Variants in SPINK5 observed in about 807,000 individuals in gnomAD.
SPINK5 encodes serine peptidase inhibitor Kazal type 5, also known as serine protease inhibitor Kazal-type 5.
Under a neutral mutation model 151.8 loss-of-function variants are expected in SPINK5, and 125 were observed. The ratio of observed to expected loss-of-function variants is 0.82; its 90% CI spans 0.71 to 0.96. The LOEUF is 0.96. SPINK5 is among the 40% of genes least tolerant of loss of function. The pLI, the probability that SPINK5 is intolerant of heterozygous loss-of-function variation, is 0.00. For missense variants in SPINK5, 1,194 were observed against 1,291.9 expected (o/e 0.92, Z 1.16); for synonymous variants, 374 against 395.3 (o/e 0.95, Z 0.64).
Position 148,123,517 on chromosome 5 carries a change from ATGTG to A in SPINK5, c.2539-314_2539-311del, listed in dbSNP as rs1196649523. 0.25 allele frequency among the ~76,000 whole-genome samples: 4,371 copies of A among 17,184 alleles called. 242 individuals are homozygous for A. Among genetic ancestry groups the A allele is most frequent in the South Asian group, 0.38 (140 of 370 alleles). 11.3% of individuals were successfully genotyped at this position (17,184 alleles called of 152,430 possible). ...AGCCTGGAGTGCAGTGGTGCAATAT[ATGTG>A]TATATATATATATATATATATATAT... On this transcript the variant is annotated intron_variant, in intron 26 of 32. Coordinates refer to ENST00000256084, the MANE Select transcript of SPINK5 (RefSeq NM_006846.4).
chr5:148,120,671 G>T (rs1376879928), intron 26 of SPINK5, among the ~76,000 whole-genome samples: 3 of 152,074 alleles, frequency 2.0e-5, no homozygotes, highest in Non-Finnish European at 4.4e-5. Context: ...ACAGGGTCTT[G>T]CTGTTGCTCA....
rs756962716 is a variant in SPINK5 at position 148,086,568 on chromosome 5, C to A, written c.410+36C>A. The A allele has an allele frequency of 3.7e-6, 6 of 1,606,250 alleles. No individual in the cohort carries two copies. The East Asian group carries it at 1.3e-4, about 36-fold the overall frequency. On this transcript the variant is annotated intron_variant, in intron 5 of 32. Coordinates refer to ENST00000256084, the MANE Select transcript of SPINK5 (RefSeq NM_006846.4). ...TCTGAAGTAGGCTTTCTCCCTAAAACGTGTTCTCTCTATAATTACATGACA... is the reference window on the plus strand; with the variant it reads ...TCTGAAGTAGGCTTTCTCCCTAAAAAGTGTTCTCTCTATAATTACATGACA...
chr5:148,111,999 AAGGCTGTCTTTGCACTG>A lies in SPINK5; in HGVS notation c.1820+107_1820+123del. 1.9e-6 allele frequency: 3 copies of A among 1,555,052 alleles called. No individual in the cohort carries two copies. In the Admixed American group the frequency reaches 5.1e-5, roughly 26 times the overall value. Reference sequence around the variant, plus strand: ...AGTTTTCTCCAGGAGATAGATAATAAAGGCTGTCTTTGCACTGAGTTTGGAAATTTACTATTATAAAG... The same window carrying A: ...AGTTTTCTCCAGGAGATAGATAATAAAGTTTGGAAATTTACTATTATAAAG... On this transcript the variant is annotated intron_variant, in intron 19 of 32. Transcript: ENST00000256084.
intron 11 of SPINK5, 78 bp from the exon 12 acceptor site, chr5:148,099,156 T>C: frequency 7.4e-7 from 1 of 1,346,422 alleles, no homozygotes; most frequent in South Asian, 1.3e-5. Context: ...GGGAGAACAG[T>C]TAACAGTGCA....
intron 4 of SPINK5, among the ~76,000 whole-genome samples, chr5:148,074,469 G>A (rs1752828974): frequency 6.6e-6 from 1 of 151,534 alleles, no homozygotes; most frequent in Admixed American, 6.6e-5. Context: ...GATTTAGGTT[G>A]CCAACTTTAT....
intron 8 of SPINK5, among the ~76,000 whole-genome samples, chr5:148,092,597 C>T (rs75505442): frequency 0.034 from 5,147 of 151,876 alleles, 149 homozygotes; most frequent in East Asian, 0.13. Flanking sequence ...TCAATATGTT[C>T]CCTATAATTA....
intron 4 of SPINK5, among the ~76,000 whole-genome samples, chr5:148,083,023 T>TG (rs1372742231): frequency 3.3e-5 from 5 of 151,264 alleles, no homozygotes; most frequent in African/African-American, 1.2e-4. Flanking sequence ...GAGAAGTGTT[T>TG]GCTTAAATCT....
chr5:148,090,783 A>G (rs1474389153), intron 7 of SPINK5: 2 of 208,758 alleles, frequency 9.6e-6, no homozygotes, highest in African/African-American at 4.6e-5. Flanking sequence ...GCATTATTTT[A>G]AAGCTCTTGG....
Position 148,088,597 on chromosome 5 carries a change from C to G in SPINK5, c.466C>G (p.Pro156Ala). 1 of 1,611,454 alleles carries G rather than the reference C, an allele frequency of 6.2e-7. No individual in the cohort carries two copies. Among genetic ancestry groups the G allele is most frequent in the Non-Finnish European group, 8.5e-7 (1 of 1,178,446 alleles). Reference protein sequence around the residue: ...KSEGECKSSNPEQDVCSAFRP... With the variant: ...KSEGECKSSNAEQDVCSAFRP... ...TGAAGGGGAATGTAAGAGCAGTAAT[C>G]CAGAGCAGGTGAGGTCAATTGTCAG... Residue 156 changes from proline to alanine, a missense_variant, in exon 6 of 33, where the codon CCA becomes GCA. Pro to Ala is a conservative substitution (Grantham distance 27, BLOSUM62 -1). Transcript: ENST00000256084.
intron 26 of SPINK5, among the ~76,000 whole-genome samples, chr5:148,122,801 T>A (rs1754304356): frequency 6.6e-6 from 1 of 151,832 alleles, no homozygotes. Flanking sequence ...GTATTTATCT[T>A]ATAAGATTTT....
At chr5:148,080,234 A>G (rs181466631) in intron 4 of SPINK5, among the ~76,000 whole-genome samples, 1 of 151,498 alleles carries the variant, frequency 6.6e-6, no homozygotes, top group African/African-American at 2.4e-5. Flanking sequence ...AGAAAAATGA[A>G]AGATCCAAAT....
chr5:148,105,625 G>GCT (rs1561691690), intron 16 of SPINK5, among the ~76,000 whole-genome samples: 1 of 139,502 alleles, frequency 7.2e-6, no homozygotes, highest in Non-Finnish European at 1.5e-5. Flanking sequence ...CTTTTTTTCT[G>GCT]TTTTTTTTGA....
Position 148,136,966 on chromosome 5 carries a change from C to A in SPINK5, c.3187-17C>A. On this transcript the variant is annotated splice_polypyrimidine_tract_variant and intron_variant, in intron 32 of 32. Coordinates refer to ENST00000256084, the MANE Select transcript of SPINK5 (RefSeq NM_006846.4). ...TCTCTGGGTTCTAGCATCTAACCTA[C>A]CCATCTTCTCTTCTAGGACGAATGA... 1 of 1,613,678 alleles carries A rather than the reference C, an allele frequency of 6.2e-7. No individual in the cohort carries two copies. Among genetic ancestry groups the A allele is most frequent in the Non-Finnish European group, 8.5e-7 (1 of 1,179,648 alleles).
chr5:148,071,553 A>T (rs182794558), intron 3 of SPINK5, among the ~76,000 whole-genome samples: 83 of 152,256 alleles, frequency 5.5e-4, no homozygotes, highest in Admixed American at 1.1e-3. Context: ...GAATATAATA[A>T]ATTTACTGAA....
intron 2 of SPINK5, among the ~76,000 whole-genome samples, chr5:148,067,244 C>A (rs774883629): frequency 6.6e-6 from 1 of 152,028 alleles, no homozygotes; most frequent in Non-Finnish European, 1.5e-5. Context: ...TGGAGATGGA[C>A]AATAGAAGAC....
At chr5:148,110,946 A>G (rs994386880) in intron 18 of SPINK5, among the ~76,000 whole-genome samples, 1 of 152,116 alleles carries the variant, frequency 6.6e-6, no homozygotes, top group Non-Finnish European at 1.5e-5. Flanking sequence ...TGCTCTGAAC[A>G]TGTATCCCAG....
intron 4 of SPINK5, among the ~76,000 whole-genome samples, chr5:148,079,380 G>T (rs897708471): frequency 1.3e-5 from 2 of 150,948 alleles, no homozygotes; most frequent in African/African-American, 4.8e-5. Flanking sequence ...ATTCATTCAG[G>T]AAGAAGAGAC....
chr5:148,117,454 G>T (rs1394086669), intron 22 of SPINK5, among the ~76,000 whole-genome samples: 1 of 152,160 alleles, frequency 6.6e-6, no homozygotes, highest in Non-Finnish European at 1.5e-5. Flanking sequence ...TTTAAGCAAT[G>T]TGGGCTTTGT....
In SPINK5 at chr5:148,127,801, T is replaced by A. The variant is rs572763227; in HGVS notation, c.2964+722T>A. 3.9e-5 allele frequency among the ~76,000 whole-genome samples: 6 copies of A among 152,284 alleles called. No individual in the cohort carries two copies. The South Asian group carries it at 1.0e-3, about 26-fold the overall frequency. On this transcript the variant is annotated intron_variant, in intron 30 of 32. Coordinates refer to ENST00000256084, the MANE Select transcript of SPINK5 (RefSeq NM_006846.4). ...TGAGCCCAGGTGGTCGAGGCTACCATGAGCCGTGATAGTGCCACTGCACTC... is the reference window on the plus strand; with the variant it reads ...TGAGCCCAGGTGGTCGAGGCTACCAAGAGCCGTGATAGTGCCACTGCACTC...
Sources: allele counts gnomAD v4.1 joint callset (sites outside exome capture counted in the v4.1 genomes callset), GRCh38; gene constraint gnomAD v4.1.1; transcripts MANE v1.5; gene names NCBI Gene and HGNC (gene_info 2026-07-23, HGNC 2026-07-21).